The following CLVS1 variants were observed in gnomAD, a reference collection of about 807,000 sequenced individuals.
CLVS1 encodes the protein clavesin 1.
CLVS1 carries 10 observed loss-of-function variants against 33.1 expected under a neutral mutation model. The ratio of observed to expected loss-of-function variants is 0.30; its 90% CI spans 0.19 to 0.51. The LOEUF is 0.51. Ranked by LOEUF, CLVS1 falls within the 20% of genes least tolerant of loss-of-function variation. The pLI is 0.97. For missense variants in CLVS1, 343 were observed against 433.4 expected, an observed-to-expected ratio of 0.79 and a Z score of 1.85; for synonymous variants, 163 against 166.1, an observed-to-expected ratio of 0.98 and a Z score of 0.14.
the CLVS1 span, among the ~76,000 whole-genome samples, chr8:60,989,032 T>C: frequency 6.6e-6 from 1 of 152,128 alleles, no homozygotes; most frequent in South Asian, 2.1e-4. Context: ...GCCAGCTAAT[T>C]ACAAACAATT....
chr8:61,354,270 C>T (rs1442870495), intron 2 of CLVS1, among the ~76,000 whole-genome samples: 1 of 152,062 alleles, frequency 6.6e-6, no homozygotes, highest in South Asian at 2.1e-4. Context: ...ATGAGATACA[C>T]GCCTACCAGA....
At chr8:61,486,544 C>G (rs550841507) in intron 5 of CLVS1, among the ~76,000 whole-genome samples, 1 of 152,094 alleles carries the variant, frequency 6.6e-6, no homozygotes, top group Non-Finnish European at 1.5e-5. Flanking sequence ...CTTCACGTAC[C>G]TTAAACTGTG....
At chr8:61,465,843 T>A (rs1817529122) in intron 5 of CLVS1, 1 of 152,208 alleles carries the variant, frequency 6.6e-6, no homozygotes. Flanking sequence ...TTTGTATTTT[T>A]AATAGAGACA....
intron 1 of CLVS1, among the ~76,000 whole-genome samples, chr8:61,094,254 C>G (rs1052230166): frequency 4.6e-5 from 7 of 152,114 alleles, no homozygotes; most frequent in African/African-American, 1.7e-4. Context: ...GTTTTCATCT[C>G]TCTTATTTCT....
At chr8:60,990,025 T>C in the CLVS1 span, among the ~76,000 whole-genome samples, 3 of 148,096 alleles carry the variant, frequency 2.0e-5, no homozygotes, top group Admixed American at 2.1e-4. Context: ...CTATGGAGGC[T>C]GAGGCAGGAG....
chr8:61,238,340 G>A (rs1585713410), intron 2 of CLVS1, among the ~76,000 whole-genome samples: 3 of 147,708 alleles, frequency 2.0e-5, no homozygotes, highest in South Asian at 2.2e-4. Context: ...TCCCTCCCCT[G>A]CTTACTACCC....
upstream of CLVS1, among the ~76,000 whole-genome samples, chr8:61,056,004 A>G (rs2129276862): frequency 6.6e-6 from 1 of 152,274 alleles, no homozygotes; most frequent in African/African-American, 2.4e-5. Flanking sequence ...GCTCATGAGG[A>G]CTACACAGGG....
chr8:61,045,532 G>C, the CLVS1 span, among the ~76,000 whole-genome samples: 2 of 152,236 alleles, frequency 1.3e-5, no homozygotes, highest in Non-Finnish European at 2.9e-5. Context: ...TAAAGAAGCA[G>C]TTGAATCACC....
chr8:61,412,585 G>T (rs762566105), intron 3 of CLVS1, among the ~76,000 whole-genome samples: 19 of 152,232 alleles, frequency 1.2e-4, no homozygotes, highest in African/African-American at 4.3e-4. Context: ...CACAGCTCAC[G>T]TGCTCTCAGG....
chr8:61,402,054 G>A (rs1814787786), intron 3 of CLVS1, among the ~76,000 whole-genome samples: 1 of 152,018 alleles, frequency 6.6e-6, no homozygotes, highest in South Asian at 2.1e-4. Flanking sequence ...TATTCACAAG[G>A]CCTGGAACCC....
the CLVS1 span, among the ~76,000 whole-genome samples, chr8:60,972,011 G>A: frequency 6.6e-6 from 1 of 152,188 alleles, no homozygotes; most frequent in Non-Finnish European, 1.5e-5. Flanking sequence ...CGGCTGGGTG[G>A]TGGGTCTGAT....
intron 2 of CLVS1, among the ~76,000 whole-genome samples, chr8:61,141,414 CAT>C (rs1806306249): frequency 1.3e-5 from 2 of 152,110 alleles, no homozygotes; most frequent in Non-Finnish European, 1.5e-5. Flanking sequence ...CATACACACA[CAT>C]ATTTATTTCT....
At chr8:61,322,188 G>C (rs1390316438) in intron 2 of CLVS1, among the ~76,000 whole-genome samples, 1 of 152,150 alleles carries the variant, frequency 6.6e-6, no homozygotes, top group Non-Finnish European at 1.5e-5. Flanking sequence ...AAATTCTTCA[G>C]TGTGAGTAAA....
rs926766462 is a variant in CLVS1, at chr8:61,500,051, C to T, written c.*509C>T. On this transcript the variant is annotated 3_prime_UTR_variant, in exon 6 of 6. Coordinates refer to ENST00000325897, the MANE Select transcript of CLVS1 (RefSeq NM_173519.3). ...ATTCTTACTGAATTATTTCCTTTGA[C>T]CTCATCACCAGCATCGAATTGTTCA... is the stretch of plus-strand genomic sequence containing the variant. 2 of 153,070 alleles carry T rather than the reference C, an allele frequency of 1.3e-5. No homozygotes were observed. The highest frequency in any genetic ancestry group is 4.8e-5 in the African/African-American group (2 of 41,444). The allele number at this position is 153,070 out of a possible 1,614,324, so 9.5% of individuals were successfully genotyped here. A position where few individuals can be genotyped will look rare whatever the true frequency, so the allele number is the denominator to read the frequency against.
At chr8:61,392,526 C>T (rs1814343759) in intron 3 of CLVS1, among the ~76,000 whole-genome samples, 1 of 152,088 alleles carries the variant, frequency 6.6e-6, no homozygotes, top group Non-Finnish European at 1.5e-5. Context: ...GCCAATCACC[C>T]TACCCTTTTA....
intron 2 of CLVS1, among the ~76,000 whole-genome samples, chr8:61,167,475 C>A (rs1806899441): frequency 1.3e-5 from 2 of 152,100 alleles, no homozygotes; most frequent in South Asian, 4.1e-4. Context: ...AGCCACCGTG[C>A]CCGGTCCAGC....
intron 1 of CLVS1, chr8:61,090,758 T>C (rs978573379): frequency 1.9e-5 from 8 of 427,670 alleles, no homozygotes; most frequent in Non-Finnish European, 3.6e-5. Context: ...TGTTTCCTAA[T>C]TTCACAGGTC....
At chr8:61,225,934 G>C (rs1037304683) in intron 2 of CLVS1, among the ~76,000 whole-genome samples, 2 of 152,206 alleles carry the variant, frequency 1.3e-5, no homozygotes, top group Non-Finnish European at 2.9e-5. Flanking sequence ...GCTAAATGTA[G>C]TGCACTGAAC....
intron 2 of CLVS1, among the ~76,000 whole-genome samples, chr8:61,238,364 T>C (rs758183217): frequency 6.6e-6 from 1 of 151,918 alleles, no homozygotes; most frequent in Non-Finnish European, 1.5e-5. Context: ...ACTGTTCTCC[T>C]TTCTTTCTTC....
Sources: allele counts gnomAD v4.1 joint callset (sites outside exome capture counted in the v4.1 genomes callset), GRCh38; gene constraint gnomAD v4.1.1; transcripts MANE v1.5; gene names NCBI Gene and HGNC (gene_info 2026-07-23, HGNC 2026-07-21).